The following NLGN4X variants were observed in gnomAD, a reference collection of about 807,000 sequenced individuals.
NLGN4X encodes the protein neuroligin-4, X-linked.
Under a neutral mutation model 40.3 loss-of-function variants are expected in NLGN4X, and 3 were observed. The observed-to-expected ratio is 0.07, with a 90% CI of 0.03 to 0.19. The LOEUF is 0.19. NLGN4X is among the 10% of genes least tolerant of loss of function. The probability of loss-of-function intolerance (pLI) is 1.00; values close to 1 mark genes in which losing one functional copy is unlikely to be tolerated. For synonymous variants in NLGN4X, 270 were observed against 306.8 expected (o/e 0.88, Z 1.25); for missense variants, 382 against 708.3 (o/e 0.54, Z 5.23).
chrX:5,995,150 C>G (rs755684594), intron 3 of NLGN4X, among the ~76,000 whole-genome samples: 1 of 112,476 alleles, frequency 8.9e-6, no homozygotes, highest in South Asian at 3.6e-4. Flanking sequence ...CCACCTCTCA[C>G]TTGGTTAACT....
chrX:6,001,241 A>C (rs1048148048), intron 3 of NLGN4X, among the ~76,000 whole-genome samples: 3 of 111,628 alleles, frequency 2.7e-5, no homozygotes, highest in African/African-American at 9.8e-5. Flanking sequence ...GACAAAGCCA[A>C]ACCATATCAC....
At chrX:5,997,584 GTGTATA>G (rs2035855903) in intron 3 of NLGN4X, among the ~76,000 whole-genome samples, 1 of 47,120 alleles carries the variant, frequency 2.1e-5, no homozygotes, top group African/African-American at 9.9e-5. Context: ...GTGTGTGTGT[GTGTATA>G]TATATATACA....
At chrX:5,900,578 TTTTTTTTTTTTA>T (rs1282318582) in intron 5 of NLGN4X, among the ~76,000 whole-genome samples, 5 of 71,633 alleles carry the variant, frequency 7.0e-5, no homozygotes, top group African/African-American at 1.8e-4. Flanking sequence ...TTTTTTTTTT[TTTTTTTTTTTTA>T]AAGATAAAGG....
At chrX:6,028,781 A>C (rs1393817510) in intron 3 of NLGN4X, among the ~76,000 whole-genome samples, 3 of 112,706 alleles carry the variant, frequency 2.7e-5, no homozygotes, top group Non-Finnish European at 5.6e-5. Context: ...AAGTCAACTA[A>C]CAGCTAAGTT....
intron 3 of NLGN4X, among the ~76,000 whole-genome samples, chrX:5,981,170 C>T (rs1410933839): frequency 9.1e-6 from 1 of 110,338 alleles, no homozygotes; most frequent in East Asian, 2.8e-4. Context: ...AACCAAAGTA[C>T]GTTTGTGACG....
At chrX:6,174,959 G>A (rs1247581257) in intron 1 of NLGN4X, among the ~76,000 whole-genome samples, 1 of 111,130 alleles carries the variant, frequency 9.0e-6, no homozygotes, top group Non-Finnish European at 1.9e-5. Context: ...AAAAAAAATT[G>A]GACAGTCTCC....
chrX:5,974,419 C>T (rs1008947521), intron 3 of NLGN4X, among the ~76,000 whole-genome samples: 2 of 111,255 alleles, frequency 1.8e-5, no homozygotes, highest in Non-Finnish European at 1.9e-5. Flanking sequence ...GAGGCTCAAG[C>T]GAAAGGAAGA....
At chrX:5,996,315 G>A (rs1454582963) in intron 3 of NLGN4X, among the ~76,000 whole-genome samples, 1 of 112,211 alleles carries the variant, frequency 8.9e-6, no homozygotes, top group East Asian at 2.8e-4. Context: ...TTGATATGTG[G>A]GATCACAACT....
intron 2 of NLGN4X, among the ~76,000 whole-genome samples, chrX:6,124,265 T>C (rs370647875): frequency 2.6e-4 from 29 of 111,583 alleles, no homozygotes; most frequent in African/African-American, 9.1e-4. Flanking sequence ...ACTACATATA[T>C]ATAACATAGT....
intron 2 of NLGN4X, among the ~76,000 whole-genome samples, chrX:6,036,084 A>C (rs2036995243): frequency 1.8e-5 from 2 of 111,589 alleles, no homozygotes; most frequent in Admixed American, 1.9e-4. Flanking sequence ...ACTGTAATTA[A>C]TTATATTTCA....
intron 1 of NLGN4X, among the ~76,000 whole-genome samples, chrX:6,184,826 A>G (rs1921850782): frequency 8.9e-6 from 1 of 112,651 alleles, no homozygotes; most frequent in Non-Finnish European, 1.9e-5. Flanking sequence ...CCACTCAGGA[A>G]GTTGGTGGGC....
At chrX:6,018,211 A>G (rs2036442584) in intron 3 of NLGN4X, among the ~76,000 whole-genome samples, 1 of 111,249 alleles carries the variant, frequency 9.0e-6, no homozygotes, top group South Asian at 3.8e-4. Flanking sequence ...ATATGCACCC[A>G]CACCCACATA....
At chrX:6,159,020 T>C (rs1372728682) in intron 1 of NLGN4X, among the ~76,000 whole-genome samples, 1 of 112,549 alleles carries the variant, frequency 8.9e-6, no homozygotes, top group Non-Finnish European at 1.9e-5. Context: ...GTTGGCATAT[T>C]AAAACAGAAG....
chrX:6,047,248 C>G (rs1375909290), intron 2 of NLGN4X, among the ~76,000 whole-genome samples: 1 of 110,923 alleles, frequency 9.0e-6, no homozygotes, highest in Non-Finnish European at 1.9e-5. Context: ...AAGGCTGAGG[C>G]AGGCGGATCA....
chrX:6,037,928 T>C (rs2037061563), intron 2 of NLGN4X, among the ~76,000 whole-genome samples: 1 of 111,769 alleles, frequency 8.9e-6, no homozygotes, highest in Admixed American at 9.5e-5. Context: ...AGACTGCCCA[T>C]GACACATGGG....
chrX:6,105,162 G>A (rs908228249), intron 2 of NLGN4X, among the ~76,000 whole-genome samples: 5 of 110,023 alleles, frequency 4.5e-5, no homozygotes, highest in African/African-American at 1.7e-4. Flanking sequence ...TCAGGGTCAA[G>A]CCATTCTCCT....
intron 4 of NLGN4X, 67 bp from the exon 5 acceptor site, chrX:5,903,933 C>T: frequency 8.7e-7 from 1 of 1,153,431 alleles, no homozygotes; most frequent in Non-Finnish European, 1.2e-6. Flanking sequence ...TTTTACTGAG[C>T]AATGAAGGCT....
chrX:6,177,614 T>G (rs1166682597), intron 1 of NLGN4X, among the ~76,000 whole-genome samples: 1 of 112,177 alleles, frequency 8.9e-6, no homozygotes. Context: ...GTCCTTTGAA[T>G]GTGAAAGGTT....
chrX:6,079,390 A>G (rs1198319303), intron 2 of NLGN4X, among the ~76,000 whole-genome samples: 5 of 112,648 alleles, frequency 4.4e-5, no homozygotes, highest in South Asian at 3.6e-4. Flanking sequence ...ATTAAAGTAG[A>G]TAAGTCTTGC....
Sources: gnomAD v4.1 joint callset for allele counts (sites outside exome capture counted in the v4.1 genomes callset) on GRCh38, gnomAD v4.1.1 for gene constraint, MANE v1.5 for transcripts, NCBI Gene and HGNC (gene_info 2026-07-23, HGNC 2026-07-21) for gene names.